The following AGL variants were observed in gnomAD, a reference collection of about 807,000 sequenced individuals.
The protein encoded by AGL is glycogen debranching enzyme.
AGL carries 128 observed loss-of-function variants against 199.3 expected under a neutral mutation model. The ratio of observed to expected loss-of-function variants is 0.64; its 90% confidence interval spans 0.56 to 0.74. AGL has a LOEUF of 0.74. Among genes scored for constraint, AGL ranks in the 30% least tolerant of loss-of-function variants. The pLI is 0.00. For missense variants in AGL, 1,809 were observed against 1,820.8 expected, an observed-to-expected ratio of 0.99 and a Z score of 0.12; for synonymous variants, 584 against 594.7, an observed-to-expected ratio of 0.98 and a Z score of 0.26.
chr1:99,864,841 G>A (rs1053384869), intron 5 of AGL, among the ~76,000 whole-genome samples: 4 of 152,090 alleles, frequency 2.6e-5, no homozygotes, highest in Admixed American at 2.6e-4. Flanking sequence ...ATACAGGAGA[G>A]TGATCATAGA....
chr1:99,884,201 A>C lies in AGL; in HGVS notation c.2390A>C (p.Asn797Thr). ...TATAGGAAGGATGAGAATTCAATCAATGGAACACCAGATATCACAGTAGAA... is the reference window on the plus strand; with the variant it reads ...TATAGGAAGGATGAGAATTCAATCACTGGAACACCAGATATCACAGTAGAA... ...KPYRKDENSI[N>T]GTPDITVEIR... Residue 797 changes from asparagine to threonine, a missense_variant, in exon 18 of 34, where the codon AAT (asparagine) becomes ACT (threonine). Transcript: ENST00000361915. The C allele has an allele frequency of 6.2e-7, 1 of 1,613,310 alleles. No homozygotes were observed. The highest frequency in any genetic ancestry group is 2.2e-5 in the East Asian group (1 of 44,760).
chr1:99,884,491 T>G (rs763097498), intron 19 of AGL, 40 bp downstream of exon 19: 2 of 1,600,994 alleles, frequency 1.2e-6, no homozygotes, highest in East Asian at 2.2e-5. Context: ...TTACTTATAT[T>G]TAAAATAGTT....
rs1652895004 is a variant in AGL at position 99,891,456 on chromosome 1, T to C, written c.2949+100T>C. 39 of 1,522,048 alleles carry C rather than the reference T, an allele frequency of 2.6e-5. No homozygotes were observed. The South Asian group carries it at 4.4e-4, about 17-fold the overall frequency. 94.3% of individuals were successfully genotyped at this position (1,522,048 alleles called of 1,614,324 possible). A position where few individuals can be genotyped will look rare whatever the true frequency, so the allele number is the denominator to read the frequency against. On this transcript the variant is annotated intron_variant, in intron 22 of 33. Coordinates refer to ENST00000361915, the MANE Select transcript of AGL (RefSeq NM_000642.3). ...TACATTGTTTTCTAACCTGAACCAT[T>C]TTCCTCCTTCCTTCATCATCTTTCA...
chr1:99,852,862 A>G (rs1198664803), intron 2 of AGL, among the ~76,000 whole-genome samples: 1 of 152,158 alleles, frequency 6.6e-6, no homozygotes, highest in Non-Finnish European at 1.5e-5. Flanking sequence ...CTTCAACCTG[A>G]TATTATGCAA....
chr1:99,894,839 A>G (rs188020020), intron 24 of AGL, among the ~76,000 whole-genome samples: 51 of 152,320 alleles, frequency 3.3e-4, no homozygotes, highest in African/African-American at 1.2e-3. Context: ...TTTTCAATGA[A>G]TACATACTTG....
chr1:99,916,294 T>C, intron 31 of AGL, 116 bp from the exon 32 acceptor site: 1 of 822,186 alleles, frequency 1.2e-6, no homozygotes, highest in Non-Finnish European at 2.0e-6. Flanking sequence ...GAGCTTATTC[T>C]GTAGAAGACA....
At chr1:99,879,865 C>T (rs1557762434) in intron 12 of AGL, 58 bp from the exon 13 acceptor site, 2 of 1,442,466 alleles carry the variant, frequency 1.4e-6, no homozygotes, top group East Asian at 2.3e-5. Flanking sequence ...TTCCTCCTAT[C>T]TTGCTTTTCT....
intron 7 of AGL, among the ~76,000 whole-genome samples, chr1:99,873,437 T>G (rs1433488702): frequency 1.3e-5 from 2 of 150,562 alleles, no homozygotes; most frequent in African/African-American, 2.4e-5. Flanking sequence ...AGTGTTCTTT[T>G]TTTTTTTTTT....
intron 24 of AGL, among the ~76,000 whole-genome samples, chr1:99,894,553 A>G (rs1420837668): frequency 1.3e-5 from 2 of 152,174 alleles, no homozygotes; most frequent in Non-Finnish European, 2.9e-5. Context: ...CATATTAATC[A>G]TAAATAAATA....
In AGL at chr1:99,923,298, G is replaced by T. The variant is rs937746001; in HGVS notation, c.*1647G>T. On this transcript the variant is annotated 3_prime_UTR_variant, in exon 34 of 34. Transcript: ENST00000361915. Reference sequence around the variant, plus strand: ...GGGTAAAAGGAATGACTGTCCTTGAGAGAACCATTAGTTTATCAAAGGTTT... The same window carrying T: ...GGGTAAAAGGAATGACTGTCCTTGATAGAACCATTAGTTTATCAAAGGTTT... The T allele has an allele frequency of 2.0e-5, 3 of 152,124 alleles. No homozygotes were observed. Among genetic ancestry groups the T allele is most frequent in the Non-Finnish European group, 4.4e-5 (3 of 67,998 alleles). 9.4% of individuals were successfully genotyped at this position (152,124 alleles called of 1,614,324 possible).
At chr1:99,911,208 G>A (rs1193383267) in intron 28 of AGL, among the ~76,000 whole-genome samples, 2 of 152,162 alleles carry the variant, frequency 1.3e-5, no homozygotes, top group East Asian at 3.8e-4. Flanking sequence ...CAGTTGTTCT[G>A]TCTTTTATGC....
intron 2 of AGL, among the ~76,000 whole-genome samples, chr1:99,856,074 A>G (rs368022213): frequency 1.3e-5 from 2 of 152,238 alleles, no homozygotes; most frequent in Non-Finnish European, 2.9e-5. Flanking sequence ...TAGCATTAGT[A>G]TGAGGAATAA....
Position 99,878,067 on chromosome 1 carries a change from AGTT to A in AGL, c.1611+241_1611+243del, listed in dbSNP as rs373124753. ...TAATTTTAAAATTTTAATTTAGGGA[AGTT>A]GATCACGTTTCTGATAATATGGAGT... is the stretch of plus-strand genomic sequence containing the variant. On this transcript the variant is annotated intron_variant, in intron 12 of 33. Transcript: ENST00000361915. Among the ~76,000 whole-genome samples, 66 of 152,358 alleles carry A rather than the reference AGTT, an allele frequency of 4.3e-4. 1 individual carries two copies. The East Asian group carries it at 0.01, about 24-fold the overall frequency.
chr1:99,921,579 G>A lies in AGL; in HGVS notation c.4527G>A (p.Gln1509=), dbSNP rs373624039. 6.8e-6 allele frequency: 11 copies of A among 1,613,050 alleles called. No homozygotes were observed. Among genetic ancestry groups the A allele is most frequent in the Non-Finnish European group, 9.3e-6 (11 of 1,179,484 alleles). ...GLPELTNENA[Q]YCPFSCETQA... ...CAGAACTGACCAATGAGAATGCCCA[G>A]TACTGTCCTTTCAGCTGTGAAACAC... The change falls in exon 34 of 34, where the codon CAG becomes CAA. Residue 1509 remains glutamine (Q), a synonymous_variant. Coordinates refer to ENST00000361915, the MANE Select transcript of AGL (RefSeq NM_000642.3).
chr1:99,873,682 C>T (rs1279500944), intron 7 of AGL, among the ~76,000 whole-genome samples: 1 of 152,200 alleles, frequency 6.6e-6, no homozygotes, highest in Non-Finnish European at 1.5e-5. Context: ...GATCCACCCA[C>T]CTCAGCCTCC....
intron 28 of AGL, among the ~76,000 whole-genome samples, chr1:99,911,634 G>C (rs1240449402): frequency 8.5e-5 from 13 of 152,138 alleles, no homozygotes. Context: ...GTGAAGACGA[G>C]GTTTCACCAT....
At chr1:99,915,021 A>C (rs1252687392) in intron 30 of AGL, among the ~76,000 whole-genome samples, 1 of 152,172 alleles carries the variant, frequency 6.6e-6, no homozygotes. Context: ...TTGAGGCTGC[A>C]CTGAGCTCTG....
intron 33 of AGL, among the ~76,000 whole-genome samples, chr1:99,920,972 A>C (rs1412925277): frequency 2.0e-5 from 3 of 152,200 alleles, no homozygotes; most frequent in African/African-American, 7.2e-5. Flanking sequence ...TACCTTCCTT[A>C]CAGGGTTACT....
chr1:99,857,715 G>A (rs1390250903), intron 2 of AGL, among the ~76,000 whole-genome samples: 1 of 150,782 alleles, frequency 6.6e-6, no homozygotes, highest in Non-Finnish European at 1.5e-5. Context: ...GGCAGGCTGA[G>A]GCAGGAGAAT....
Sources: allele counts gnomAD v4.1 joint callset (sites outside exome capture counted in the v4.1 genomes callset), GRCh38; gene constraint gnomAD v4.1.1; transcripts MANE v1.5; gene names NCBI Gene and HGNC (gene_info 2026-07-23, HGNC 2026-07-21).